The following NFIA variants were observed in gnomAD, a reference collection of about 807,000 sequenced individuals.
The protein encoded by NFIA is nuclear factor I A, also known as nuclear factor 1 A-type.
NFIA carries 8 observed loss-of-function variants against 62.8 expected under a neutral mutation model. That is an observed-to-expected ratio of 0.13 (90% CI 0.07 to 0.23). The LOEUF (loss-of-function observed/expected upper bound fraction) is 0.23, where lower values mean the gene tolerates loss of function less well. Ranked by LOEUF, NFIA falls within the 10% of genes least tolerant of loss-of-function variation. NFIA has a pLI of 1.00. For synonymous variants in NFIA, 235 were observed against 238.1 expected (o/e 0.99, Z 0.12); for missense variants, 410 against 642.1 (o/e 0.64, Z 3.91).
At chr1:61,402,938 T>C (rs1665643865) in intron 7 of NFIA, among the ~76,000 whole-genome samples, 2 of 152,210 alleles carry the variant, frequency 1.3e-5, no homozygotes, top group African/African-American at 4.8e-5. Context: ...GCCCAGCAAC[T>C]AATACAGATG....
intron 2 of NFIA, among the ~76,000 whole-genome samples, chr1:61,158,891 T>C (rs563028626): frequency 6.6e-6 from 1 of 152,350 alleles, no homozygotes; most frequent in Admixed American, 6.5e-5. Context: ...TAGGAGCAGC[T>C]GTTTTGTGCT....
At position 61,363,464 on chromosome 1, in the gene NFIA, C is replaced by T. The variant is rs150498195; in HGVS notation, c.946+4190C>T. ...TACTAAAAATACAAAATTAGCTGCG[C>T]ATGGTGCTGCATGCCTATAATCCCA... On this transcript the variant is annotated intron_variant, in intron 6 of 10. Transcript: ENST00000403491. Among the ~76,000 whole-genome samples, 706 of 152,088 alleles carry T rather than the reference C, an allele frequency of 4.6e-3. 46 individuals carry two copies. In the East Asian group the frequency reaches 0.11, roughly 23 times the overall value.
rs550740646 is a variant in NFIA at position 61,156,121 on chromosome 1, G to C, written c.559+67441G>C. On this transcript the variant is annotated intron_variant, in intron 2 of 10. Transcript: ENST00000403491. ...TGCGCTCCAGCCTGGGCGACAGAGC[G>C]AGACTGTCTCCAAAATAAAAAGAAT... Among the ~76,000 whole-genome samples the C allele has an allele frequency of 1.5e-4, 23 of 152,284 alleles. No individual in the cohort carries two copies. In the East Asian group the frequency reaches 1.7e-3, roughly 11 times the overall value.
At chr1:61,102,244 ACAGT>A (rs1557565951) in intron 2 of NFIA, among the ~76,000 whole-genome samples, 2 of 152,338 alleles carry the variant, frequency 1.3e-5, no homozygotes, top group East Asian at 1.9e-4. Flanking sequence ...TCTTTGTCTA[ACAGT>A]CAGTAAGAGA....
In NFIA at chr1:61,456,069, A is replaced by G. The variant is rs1015540671; in HGVS notation, c.*749A>G. ...AAAAAACAACAACAACATTTTTTCAACAATTTCAACAATGACACAAAAATT... is the reference window on the plus strand; with the variant it reads ...AAAAAACAACAACAACATTTTTTCAGCAATTTCAACAATGACACAAAAATT... On this transcript the variant is annotated 3_prime_UTR_variant, in exon 11 of 11. Coordinates refer to ENST00000403491, the MANE Select transcript of NFIA (RefSeq NM_001134673.4). 6 of 152,400 alleles carry G rather than the reference A, an allele frequency of 3.9e-5. No homozygotes were observed. The highest frequency in any genetic ancestry group is 8.8e-5 in the Non-Finnish European group (6 of 67,850). The allele number at this position is 152,400 out of a possible 1,614,324, so 9.4% of individuals were successfully genotyped here. A position where few individuals can be genotyped will look rare whatever the true frequency, so the allele number is the denominator to read the frequency against.
chr1:61,146,717 C>A (rs1263131352), intron 2 of NFIA, among the ~76,000 whole-genome samples: 2 of 152,142 alleles, frequency 1.3e-5, no homozygotes, highest in Non-Finnish European at 2.9e-5. Flanking sequence ...CCCACTGTCC[C>A]CATACCCTCC....
intron 4 of NFIA, among the ~76,000 whole-genome samples, chr1:61,346,348 T>C (rs1662227061): frequency 6.6e-6 from 1 of 152,216 alleles, no homozygotes; most frequent in South Asian, 2.1e-4. Flanking sequence ...CCCAATGTGA[T>C]AACCTGGGCA....
chr1:61,181,965 A>C (rs1650789184), intron 2 of NFIA, among the ~76,000 whole-genome samples: 2 of 152,198 alleles, frequency 1.3e-5, no homozygotes, highest in African/African-American at 4.8e-5. Flanking sequence ...TTTAAGACTC[A>C]AAGTTTGTTA....
chr1:61,177,844 T>C (rs1355477699), intron 2 of NFIA, among the ~76,000 whole-genome samples: 2 of 152,186 alleles, frequency 1.3e-5, no homozygotes, highest in African/African-American at 4.8e-5. Flanking sequence ...ATTTGCAAAC[T>C]TTATTTTTTG....
intron 4 of NFIA, among the ~76,000 whole-genome samples, chr1:61,340,083 G>A (rs1661817795): frequency 6.6e-6 from 1 of 152,192 alleles, no homozygotes. Flanking sequence ...AGAGCTGGCA[G>A]TGAGAGTTCT....
chr1:61,241,735 T>C (rs924303312), intron 2 of NFIA, among the ~76,000 whole-genome samples: 2 of 152,042 alleles, frequency 1.3e-5, no homozygotes, highest in Non-Finnish European at 2.9e-5. Flanking sequence ...ACCATCTCCT[T>C]GGCACGAGTG....
chr1:61,361,289 C>T (rs1663277253), intron 6 of NFIA, among the ~76,000 whole-genome samples: 1 of 152,200 alleles, frequency 6.6e-6, no homozygotes, highest in Admixed American at 6.5e-5. Context: ...CTGACTCTCA[C>T]TGCCACTACC....
At chr1:61,355,054 CT>C (rs1336343275) in intron 5 of NFIA, among the ~76,000 whole-genome samples, 1 of 152,112 alleles carries the variant, frequency 6.6e-6, no homozygotes, top group African/African-American at 2.4e-5. Context: ...CTAAGTAAGA[CT>C]TCTAGGCCGT....
At chr1:61,176,178 A>G (rs1227696634) in intron 2 of NFIA, among the ~76,000 whole-genome samples, 3 of 152,200 alleles carry the variant, frequency 2.0e-5, no homozygotes, top group African/African-American at 7.2e-5. Flanking sequence ...CCTGCAGCTA[A>G]CTGCTGTGTC....
intron 2 of NFIA, among the ~76,000 whole-genome samples, chr1:61,262,968 C>G (rs1313743768): frequency 6.6e-6 from 1 of 152,148 alleles, no homozygotes; most frequent in Non-Finnish European, 1.5e-5. Flanking sequence ...ACCTTTAATT[C>G]TTGAATAAAC....
At chr1:61,362,438 G>A (rs915629578) in intron 6 of NFIA, among the ~76,000 whole-genome samples, 5 of 152,162 alleles carry the variant, frequency 3.3e-5, no homozygotes, top group African/African-American at 1.2e-4. Context: ...TCCTCACTCA[G>A]AATGCTTTGG....
intron 4 of NFIA, among the ~76,000 whole-genome samples, chr1:61,350,685 C>T (rs1365758279): frequency 6.6e-6 from 1 of 152,192 alleles, no homozygotes; most frequent in African/African-American, 2.4e-5. Flanking sequence ...ATAACCTCAC[C>T]TTAACCATCC....
intron 4 of NFIA, among the ~76,000 whole-genome samples, chr1:61,349,231 G>GT (rs920216104): frequency 2.0e-5 from 3 of 151,178 alleles, no homozygotes; most frequent in Non-Finnish European, 3.0e-5. Flanking sequence ...AAGCCTCACC[G>GT]TTTTTTTTTA....
At chr1:61,209,980 A>C (rs527608395) in intron 2 of NFIA, among the ~76,000 whole-genome samples, 1 of 152,374 alleles carries the variant, frequency 6.6e-6, no homozygotes, top group Non-Finnish European at 1.5e-5. Flanking sequence ...ACTTCCTTCC[A>C]GCCTTTTTCT....
Sources: allele counts gnomAD v4.1 joint callset (sites outside exome capture counted in the v4.1 genomes callset), GRCh38; gene constraint gnomAD v4.1.1; transcripts MANE v1.5; gene names NCBI Gene and HGNC (gene_info 2026-07-23, HGNC 2026-07-21).